ABHD2: variants seen among roughly 807,000 people sequenced by gnomAD.
ABHD2 encodes abhydrolase domain containing 2, acylglycerol lipase.
Under a neutral mutation model 48.1 loss-of-function variants are expected in ABHD2, and 20 were observed. The ratio of observed to expected loss-of-function variants is 0.42; its 90% CI spans 0.29 to 0.60. The LOEUF (loss-of-function observed/expected upper bound fraction) is 0.60, where lower values mean the gene tolerates loss of function less well. ABHD2 is among the 20% of genes least tolerant of loss of function. The pLI is 0.24. For missense variants in ABHD2, 405 were observed against 550.9 expected (o/e 0.74, Z 2.65); for synonymous variants, 209 against 214.2 (o/e 0.98, Z 0.21).
the ABHD2 span, among the ~76,000 whole-genome samples, chr15:89,060,237 C>T: frequency 6.6e-6 from 1 of 151,624 alleles, no homozygotes; most frequent in Non-Finnish European, 1.5e-5. Context: ...ATTACAGGCA[C>T]CCACAACCAT....
At chr15:89,181,767 T>C (rs563937682) in intron 6 of ABHD2, among the ~76,000 whole-genome samples, 6 of 152,360 alleles carry the variant, frequency 3.9e-5, no homozygotes, top group African/African-American at 1.4e-4. Context: ...CCACTCACTT[T>C]GCAAAATATG....
intron 5 of ABHD2, among the ~76,000 whole-genome samples, chr15:89,159,629 GCATTCACAGC>G (rs1309250753): frequency 6.6e-6 from 1 of 152,198 alleles, no homozygotes; most frequent in African/African-American, 2.4e-5. Flanking sequence ...CAGAAGAGCA[GCATTCACAGC>G]TGCCTTAAGA....
chr15:89,108,119 G>A (rs997711958), intron 1 of ABHD2, among the ~76,000 whole-genome samples: 10 of 152,198 alleles, frequency 6.6e-5, no homozygotes, highest in Admixed American at 2.0e-4. Flanking sequence ...AGTGGCAAAC[G>A]GTCCCTTCAG....
At chr15:89,154,811 A>T (rs2050644810) in intron 4 of ABHD2, among the ~76,000 whole-genome samples, 1 of 152,238 alleles carries the variant, frequency 6.6e-6, no homozygotes, top group Admixed American at 6.5e-5. Context: ...GTGTTCAGCC[A>T]TATGCAAAAG....
intron 3 of ABHD2, chr15:89,136,263 A>G (rs1409781769): frequency 5.1e-6 from 2 of 391,834 alleles, no homozygotes; most frequent in African/African-American, 2.1e-5. Context: ...TAGGAAAGAT[A>G]CAGGTTTTCG....
chr15:89,077,924 T>C, the ABHD2 span, among the ~76,000 whole-genome samples: 1 of 152,228 alleles, frequency 6.6e-6, no homozygotes, highest in African/African-American at 2.4e-5. Context: ...AATCCCCTTG[T>C]CTACAAAACT....
Position 89,104,547 on chromosome 15 carries a change from C to T in ABHD2, c.-106-9178C>T, listed in dbSNP as rs2049752100. The stretch of plus-strand genomic sequence containing the variant: ...GGGCACTGGGAGCCTTGTCTGCTCC[C>T]AGTCGGCGTTGGGAAACCAGAACGC... On this transcript the variant is annotated intron_variant, in intron 1 of 10. Coordinates refer to ENST00000352732, the MANE Select transcript of ABHD2 (RefSeq NM_152924.5). The surrounding 1 kb of genome is among the most constrained non-coding windows in gnomAD (Gnocchi z 4.4). 6.6e-6 allele frequency among the ~76,000 whole-genome samples: 1 copy of T among 152,200 alleles called. No homozygotes were observed. The highest frequency in any genetic ancestry group is 6.5e-5 in the Admixed American group (1 of 15,286).
At position 89,185,015 on chromosome 15, in the gene ABHD2, C is replaced by T. The variant is rs1304176564; in HGVS notation, c.723-409C>T. Reference sequence around the variant, plus strand: ...GGTTTTCCCCTCCACACCCACTCTCCCGTTCCATGTGCCAGTCATTAAACC... The same window carrying T: ...GGTTTTCCCCTCCACACCCACTCTCTCGTTCCATGTGCCAGTCATTAAACC... On this transcript the variant is annotated intron_variant, in intron 6 of 10. Coordinates refer to ENST00000352732, the MANE Select transcript of ABHD2 (RefSeq NM_152924.5). This position sits in a 1 kb window ranked among gnomAD's most constrained non-coding sequence, Gnocchi z 5.9. Among the ~76,000 whole-genome samples, 1 of 152,250 alleles carries T rather than the reference C, an allele frequency of 6.6e-6. No individual in the cohort carries two copies. Among genetic ancestry groups the T allele is most frequent in the Non-Finnish European group, 1.5e-5 (1 of 68,054 alleles).
At position 89,173,560 on chromosome 15, in the gene ABHD2, G is replaced by A. The variant is rs552088845; in HGVS notation, c.539-2252G>A. 4.6e-5 allele frequency among the ~76,000 whole-genome samples: 7 copies of A among 152,298 alleles called. No homozygotes were observed. Among genetic ancestry groups the A allele is most frequent in the South Asian group, 2.1e-4 (1 of 4,828 alleles). On this transcript the variant is annotated intron_variant, in intron 5 of 10. Transcript: ENST00000352732. This position sits in a 1 kb window ranked among gnomAD's most constrained non-coding sequence, Gnocchi z 6.5. Reference sequence around the variant, plus strand: ...TGCACTCCAGCCTGGGTGACAGAGCGAGACTCTGTCTCAAAAACAAACGAA... The same window carrying A: ...TGCACTCCAGCCTGGGTGACAGAGCAAGACTCTGTCTCAAAAACAAACGAA...
rs998454921 is a variant in ABHD2 at position 89,151,513 on chromosome 15, G to A, written c.195-164G>A. Among the ~76,000 whole-genome samples the A allele has an allele frequency of 6.6e-6, 1 of 152,154 alleles. No homozygotes were observed. Among genetic ancestry groups the A allele is most frequent in the African/African-American group, 2.4e-5 (1 of 41,422 alleles). ...AGTGTATTAGTAAATGGGGAAAGGC[G>A]GTAAATCATGGCACGGATGTAACGT... is the stretch of plus-strand genomic sequence containing the variant. On this transcript the variant is annotated intron_variant, in intron 3 of 10. Coordinates refer to ENST00000352732, the MANE Select transcript of ABHD2 (RefSeq NM_152924.5). This position sits in a 1 kb window ranked among gnomAD's most constrained non-coding sequence, Gnocchi z 4.7.
chr15:89,112,661 C>T (rs1447816434), intron 1 of ABHD2, among the ~76,000 whole-genome samples: 1 of 152,204 alleles, frequency 6.6e-6, no homozygotes, highest in Non-Finnish European at 1.5e-5. Flanking sequence ...GGGCTTGAAT[C>T]CCAGCTCTGC....
rs1001451593 is a variant in ABHD2 at position 89,164,213 on chromosome 15, C to A, written c.538+8679C>A. On this transcript the variant is annotated intron_variant, in intron 5 of 10. Coordinates refer to ENST00000352732, the MANE Select transcript of ABHD2 (RefSeq NM_152924.5). This position sits in a 1 kb window ranked among gnomAD's most constrained non-coding sequence, Gnocchi z 5.0. ...ATCCCAGTCTATGAGGAACTCTCAC[C>A]ATCTAGTTGGGGAAGGAGGGTGCAC... is the stretch of plus-strand genomic sequence containing the variant. 6.6e-6 allele frequency among the ~76,000 whole-genome samples: 1 copy of A among 152,128 alleles called. No individual in the cohort carries two copies. The highest frequency in any genetic ancestry group is 1.5e-5 in the Non-Finnish European group (1 of 68,022).
At position 89,104,731 on chromosome 15, in the gene ABHD2, G is replaced by A. The variant is rs1411901400; in HGVS notation, c.-106-8994G>A. ...TCAGGCAACGGTTGTGCCAGGCACT[G>A]GGTCTTGCCCTCCCACCCCCATCTC... On this transcript the variant is annotated intron_variant, in intron 1 of 10. Coordinates refer to ENST00000352732, the MANE Select transcript of ABHD2 (RefSeq NM_152924.5). The surrounding 1 kb of genome is among the most constrained non-coding windows in gnomAD (Gnocchi z 4.4). Among the ~76,000 whole-genome samples the A allele has an allele frequency of 6.6e-6, 1 of 152,206 alleles. No individual in the cohort carries two copies. The highest frequency in any genetic ancestry group is 6.5e-5 in the Admixed American group (1 of 15,286).
Position 89,164,227 on chromosome 15 carries a change from A to G in ABHD2, c.538+8693A>G, listed in dbSNP as rs1485831582. Among the ~76,000 whole-genome samples, 1 of 152,184 alleles carries G rather than the reference A, an allele frequency of 6.6e-6. No homozygotes were observed. The highest frequency in any genetic ancestry group is 1.5e-5 in the Non-Finnish European group (1 of 68,020). The stretch of plus-strand genomic sequence containing the variant: ...GGAACTCTCACCATCTAGTTGGGGA[A>G]GGAGGGTGCACAGTCACAGTCGGTC... On this transcript the variant is annotated intron_variant, in intron 5 of 10. Coordinates refer to ENST00000352732, the MANE Select transcript of ABHD2 (RefSeq NM_152924.5). The surrounding 1 kb of genome is among the most constrained non-coding windows in gnomAD (Gnocchi z 5.0).
intron 3 of ABHD2, chr15:89,136,051 C>T (rs553628008): frequency 2.4e-5 from 5 of 207,048 alleles, no homozygotes; most frequent in African/African-American, 7.1e-5. Flanking sequence ...CTCAGCCTCC[C>T]GAGTAGCTGG....
chr15:89,192,250 T>G (rs1158120767), intron 9 of ABHD2, among the ~76,000 whole-genome samples: 2 of 152,230 alleles, frequency 1.3e-5, no homozygotes, highest in Non-Finnish European at 2.9e-5. Context: ...GGCTTTTTGA[T>G]GTCGTCATTT....
At chr15:89,049,460 G>A in the ABHD2 span, among the ~76,000 whole-genome samples, 1 of 152,242 alleles carries the variant, frequency 6.6e-6, no homozygotes, top group Admixed American at 6.5e-5. Flanking sequence ...AAGGAAGCCT[G>A]GGCAATGGCG....
At chr15:89,105,310 T>C (rs2049767147) in intron 1 of ABHD2, among the ~76,000 whole-genome samples, 1 of 152,246 alleles carries the variant, frequency 6.6e-6, no homozygotes, top group Non-Finnish European at 1.5e-5. Context: ...GTAACTTTCT[T>C]TGTGGAAGCT....
At chr15:89,132,181 G>A (rs2050230537) in intron 3 of ABHD2, among the ~76,000 whole-genome samples, 1 of 152,204 alleles carries the variant, frequency 6.6e-6, no homozygotes, top group South Asian at 2.1e-4. Flanking sequence ...GGGAAAGAAA[G>A]AGCTGTCGGG....
Sources: allele counts gnomAD v4.1 joint callset (sites outside exome capture counted in the v4.1 genomes callset), GRCh38; gene constraint gnomAD v4.1.1; non-coding constraint Gnocchi (gnomAD v3.1); transcripts MANE v1.5; gene names NCBI Gene and HGNC (gene_info 2026-07-23, HGNC 2026-07-21).